Variants in TFDP3 observed in about 807,000 individuals in gnomAD.
TFDP3 encodes transcription factor Dp family member 3, also known as E2F-like protein.
For synonymous variants in TFDP3, 167 were observed against 131.3 expected (o/e 1.27, Z -1.86); for missense variants, 353 against 321.6 (o/e 1.10, Z -0.75).
chrX:133,217,985 G>A lies in TFDP3; in HGVS notation c.275C>T (p.Ser92Phe), dbSNP rs1402694634. ...HFASQNQHSY[S>F]SPPWAGQHNR... ...GTGCTGCCCGGCCCAAGGAGGTGAG[G>A]AGTAGGAATGCTGGTTCTGAGAGGC... Residue 92 changes from serine to phenylalanine, a missense_variant, in exon 1 of 1, where the codon TCC (serine) becomes TTC (phenylalanine). Physicochemically the swap from Ser to Phe is radical, Grantham distance 155. Coordinates refer to ENST00000310125, the MANE Select transcript of TFDP3 (RefSeq NM_016521.3). 4.1e-6 allele frequency: 5 copies of A among 1,210,067 alleles called. No individual in the cohort carries two copies. The African/African-American group carries it at 5.3e-5, about 13-fold the overall frequency.
At position 133,216,821 on chromosome X, in the gene TFDP3, T is replaced by C. The variant is rs756224748; in HGVS notation, c.*221A>G. On this transcript the variant is annotated 3_prime_UTR_variant, in exon 1 of 1. Transcript: ENST00000310125. ...AAAATCCTAAAAAGTAAATAAAGAT[T>C]CTGTGTCAGCACACTGGTATCAAAA... The C allele has an allele frequency of 2.6e-4, 98 of 370,650 alleles. No homozygotes were observed. Among genetic ancestry groups the C allele is most frequent in the Non-Finnish European group, 3.8e-4 (89 of 233,451 alleles). 30.5% of individuals were successfully genotyped at this position (370,650 alleles called of 1,213,427 possible).
rs768969316 is a variant in TFDP3, at chrX:133,217,357, A to G, written c.903T>C (p.Thr301=). 4.1e-6 allele frequency: 5 copies of G among 1,212,123 alleles called. No individual in the cohort carries two copies. The highest frequency in any genetic ancestry group is 3.0e-5 in the East Asian group (1 of 33,848). ...DTEVLMWMGM[T]FGLESGSCSA... ...AGCAGCTCCCGGACTCTAGCCCAAA[A>G]GTCATGCCCATCCACATCAGCACTT... Residue 301 remains threonine (T), a synonymous_variant, in exon 1 of 1, where the codon ACT becomes ACC. Transcript: ENST00000310125.
At position 133,217,476 on chromosome X, in the gene TFDP3, T is replaced by C; in HGVS notation, c.784A>G (p.Ser262Gly). The change falls in exon 1 of 1, where the codon AGC (serine) becomes GGC (glycine). Residue 262 changes from serine to glycine, a missense_variant. By Grantham distance (56) the Ser-to-Gly change is moderately conservative. Transcript: ENST00000310125. ...IHVPFIIISS[S>G]KKTVINCSIS... ...CTGCAGTTGATGACGGTCTTCTTGC[T>C]ACTGCTGATGATGATGAAGGGCACG... 8.3e-7 allele frequency: 1 copy of C among 1,212,085 alleles called. No individual in the cohort carries two copies. Among genetic ancestry groups the C allele is most frequent in the Non-Finnish European group, 1.1e-6 (1 of 895,572 alleles).
chrX:133,217,419 T>TA lies in TFDP3; in HGVS notation c.840dup (p.Lys281Ter), dbSNP rs1029870489. On this transcript the variant is annotated frameshift_variant, in exon 1 of 1. Transcript: ENST00000310125. LOFTEE classifies it low-confidence loss of function (END_TRUNC). Reference sequence around the variant, plus strand: ...TGGATTTCAAAGGAGCTGTTAAACTTAAACAGATATTCTGATTTGTCGTCG... The same window carrying TA: ...TGGATTTCAAAGGAGCTGTTAAACTTAAAACAGATATTCTGATTTGTCGTCG... 8.3e-7 allele frequency: 1 copy of TA among 1,210,094 alleles called. No individual in the cohort carries two copies. Among genetic ancestry groups the TA allele is most frequent in the African/African-American group, 1.7e-5 (1 of 57,173 alleles).
At position 133,217,537 on chromosome X, in the gene TFDP3, C is replaced by T; in HGVS notation, c.723G>A (p.Gln241=). 1 of 1,212,143 alleles carries T rather than the reference C, an allele frequency of 8.2e-7. No homozygotes were observed. The highest frequency in any genetic ancestry group is 3.0e-5 in the East Asian group (1 of 33,846). ...AGTTGGGCAGCGGCCGCTGGCTGACCTGCTCCTCCACATACTGGTTTCTCA... is the reference window on the plus strand; with the variant it reads ...AGTTGGGCAGCGGCCGCTGGCTGACTTGCTCCTCCACATACTGGTTTCTCA... ...LVLRNQYVEE[Q]VSQRPLPNSV... The change falls in exon 1 of 1, where the codon CAG becomes CAA. Residue 241 remains glutamine, a synonymous_variant. Transcript: ENST00000310125.
At position 133,217,987 on chromosome X, in the gene TFDP3, G is replaced by C; in HGVS notation, c.273C>G (p.Tyr91Ter). The change falls in exon 1 of 1, where the codon TAC becomes TAG. Residue 91 changes from tyrosine to a stop codon, truncating the protein, a stop_gained. Coordinates refer to ENST00000310125, the MANE Select transcript of TFDP3 (RefSeq NM_016521.3). LOFTEE classifies it low-confidence loss of function (END_TRUNC). ...GCTGCCCGGCCCAAGGAGGTGAGGAGTAGGAATGCTGGTTCTGAGAGGCAA... is the reference window on the plus strand; with the variant it reads ...GCTGCCCGGCCCAAGGAGGTGAGGACTAGGAATGCTGGTTCTGAGAGGCAA... ...THFASQNQHS[Y>*]SSPPWAGQHN... 1 of 1,212,098 alleles carries C rather than the reference G, an allele frequency of 8.3e-7. No homozygotes were observed. The highest frequency in any genetic ancestry group is 1.7e-5 in the African/African-American group (1 of 57,857).
chrX:133,217,598 A>AG lies in TFDP3; in HGVS notation c.661dup (p.Leu221ProfsTer42). The AG allele has an allele frequency of 8.3e-7, 1 of 1,211,429 alleles. No individual in the cohort carries two copies. The highest frequency in any genetic ancestry group is 1.1e-6 in the Non-Finnish European group (1 of 895,468). On this transcript the variant is annotated frameshift_variant, in exon 1 of 1. Coordinates refer to ENST00000310125, the MANE Select transcript of TFDP3 (RefSeq NM_016521.3). LOFTEE classifies it low-confidence loss of function (END_TRUNC). ...CTTGAAAGCAATTTGCTGTAGAATA[A>AG]GTTGTTGAAGTTCAGACTGTTTCTG...
Position 133,217,424 on chromosome X carries a change from A to G in TFDP3, c.836T>C (p.Leu279Pro). The change falls in exon 1 of 1, where the codon CTG becomes CCG. Residue 279 changes from leucine to proline, a missense_variant. Coordinates refer to ENST00000310125, the MANE Select transcript of TFDP3 (RefSeq NM_016521.3). ...TTCAAAGGAGCTGTTAAACTTAAACAGATATTCTGATTTGTCGTCGGAGAT... is the reference window on the plus strand; with the variant it reads ...TTCAAAGGAGCTGTTAAACTTAAACGGATATTCTGATTTGTCGTCGGAGAT... ...CSISDDKSEY[L>P]FKFNSSFEIH... The G allele has an allele frequency of 1.7e-6, 2 of 1,211,700 alleles. No homozygotes were observed. Among genetic ancestry groups the G allele is most frequent in the Non-Finnish European group, 2.2e-6 (2 of 895,536 alleles).
rs1239930035 is a variant in TFDP3 at position 133,217,898 on chromosome X, G to A, written c.362C>T (p.Thr121Met). 5.0e-6 allele frequency: 6 copies of A among 1,209,699 alleles called. No individual in the cohort carries two copies. The highest frequency in any genetic ancestry group is 3.0e-5 in the East Asian group (1 of 33,731). Residue 121 changes from threonine (T) to methionine (M), a missense_variant, in exon 1 of 1, where the codon ACG (threonine) becomes ATG (methionine). By Grantham distance (81) the Thr-to-Met change is moderately conservative (BLOSUM62 -1). Coordinates refer to ENST00000310125, the MANE Select transcript of TFDP3 (RefSeq NM_016521.3). ...LCRLSMKVWETVQRKGTTSCQ... is the reference protein window; with the variant it reads ...LCRLSMKVWEMVQRKGTTSCQ... The stretch of plus-strand genomic sequence containing the variant: ...GGAAGTGGTCCCTTTCCTCTGCACC[G>A]TCTCCCAGACCTTCATGGAAAGACG...
Position 133,217,775 on chromosome X carries a change from C to T in TFDP3, c.485G>A (p.Arg162Gln). Residue 162 changes from arginine to glutamine, a missense_variant, in exon 1 of 1, where the codon CGG becomes CAG. Physicochemically the swap from Arg to Gln is conservative, Grantham distance 43. Coordinates refer to ENST00000310125, the MANE Select transcript of TFDP3 (RefSeq NM_016521.3). ...CACGTTTAAGGCATCGTAGGTGCGC[C>T]GTTTTATGTTTTTCACGTCATAAGC... ...ESAYDVKNIK[R>Q]RTYDALNVLM... is the part of the protein sequence containing the mutation. The T allele has an allele frequency of 8.3e-7, 1 of 1,211,384 alleles. No homozygotes were observed. Among genetic ancestry groups the T allele is most frequent in the African/African-American group, 1.7e-5 (1 of 57,645 alleles).
At position 133,217,357 on chromosome X, in the gene TFDP3, A is replaced by C. The variant is rs768969316; in HGVS notation, c.903T>G (p.Thr301=). ...AGCAGCTCCCGGACTCTAGCCCAAA[A>C]GTCATGCCCATCCACATCAGCACTT... ...DTEVLMWMGM[T]FGLESGSCSA... Residue 301 remains threonine, a synonymous_variant, in exon 1 of 1, where the codon ACT becomes ACG. Coordinates refer to ENST00000310125, the MANE Select transcript of TFDP3 (RefSeq NM_016521.3). The C allele has an allele frequency of 8.2e-7, 1 of 1,212,123 alleles. No individual in the cohort carries two copies. Among genetic ancestry groups the C allele is most frequent in the Non-Finnish European group, 1.1e-6 (1 of 895,599 alleles).
At position 133,216,999 on chromosome X, in the gene TFDP3, C is replaced by T; in HGVS notation, c.*43G>A. ...TAAAAAAAAAAAAAAAGTTTCTTTTCCCTAAATGTTTTCCTGAAGCTGAAT... is the reference window on the plus strand; with the variant it reads ...TAAAAAAAAAAAAAAAGTTTCTTTTTCCTAAATGTTTTCCTGAAGCTGAAT... On this transcript the variant is annotated 3_prime_UTR_variant, in exon 1 of 1. Coordinates refer to ENST00000310125, the MANE Select transcript of TFDP3 (RefSeq NM_016521.3). 3 of 1,142,466 alleles carry T rather than the reference C, an allele frequency of 2.6e-6. No homozygotes were observed. The highest frequency in any genetic ancestry group is 2.3e-6 in the Non-Finnish European group (2 of 864,146). The allele number at this position is 1,142,466 out of a possible 1,213,427, so 94.2% of individuals were successfully genotyped here.
In TFDP3 at chrX:133,217,504, G is replaced by C; in HGVS notation, c.756C>G (p.Ile252Met). The C allele has an allele frequency of 1.6e-6, 2 of 1,212,179 alleles. No individual in the cohort carries two copies. Among genetic ancestry groups the C allele is most frequent in the Non-Finnish European group, 2.2e-6 (2 of 895,628 alleles). ...VSQRPLPNSV[I>M]HVPFIIISSS... is the part of the protein sequence containing the mutation. ...TGCTGATGATGATGAAGGGCACGTGGATGACTGAGTTGGGCAGCGGCCGCT... is the reference window on the plus strand; with the variant it reads ...TGCTGATGATGATGAAGGGCACGTGCATGACTGAGTTGGGCAGCGGCCGCT... The change falls in exon 1 of 1, where the codon ATC becomes ATG. Residue 252 changes from isoleucine (I) to methionine (M), a missense_variant. By Grantham distance (10) the Ile-to-Met change is conservative. Coordinates refer to ENST00000310125, the MANE Select transcript of TFDP3 (RefSeq NM_016521.3).
chrX:133,218,332 A>C lies in TFDP3; in HGVS notation c.-73T>G. The stretch of plus-strand genomic sequence containing the variant: ...GAAGAAAAACAATTCTTCCAGGCCG[A>C]GTGTAGGGCTGCCGTGAGGTGCGTG... On this transcript the variant is annotated 5_prime_UTR_variant, in exon 1 of 1. Coordinates refer to ENST00000310125, the MANE Select transcript of TFDP3 (RefSeq NM_016521.3). 1.0e-6 allele frequency: 1 copy of C among 981,449 alleles called. No individual in the cohort carries two copies. The highest frequency in any genetic ancestry group is 1.4e-6 in the Non-Finnish European group (1 of 734,916). 80.9% of individuals were successfully genotyped at this position (981,449 alleles called of 1,213,427 possible). A position where few individuals can be genotyped will look rare whatever the true frequency, so the allele number is the denominator to read the frequency against.
rs1174842460 is a variant in TFDP3 at position 133,218,260 on chromosome X, G to A, written c.-1C>T. Reference sequence around the variant, plus strand: ...CAGTGAGACTGACATATTTTGCCATGTTAACAGATTTGGGAAATAAATGCT... The same window carrying A: ...CAGTGAGACTGACATATTTTGCCATATTAACAGATTTGGGAAATAAATGCT... On this transcript the variant is annotated 5_prime_UTR_variant, in exon 1 of 1. Coordinates refer to ENST00000310125, the MANE Select transcript of TFDP3 (RefSeq NM_016521.3). 2.1e-5 allele frequency: 24 copies of A among 1,120,221 alleles called. No individual in the cohort carries two copies. Among genetic ancestry groups the A allele is most frequent in the Admixed American group, 3.3e-5 (1 of 30,352 alleles). 92.3% of individuals were successfully genotyped at this position (1,120,221 alleles called of 1,213,427 possible).
chrX:133,218,349 AGGTGCGTGGCGT>A, exon 1 of TFDP3: 2 of 881,320 alleles, frequency 2.3e-6, no homozygotes, highest in East Asian at 7.0e-5. Context: ...GGCTGCCGTG[AGGTGCGTGGCGT>A]AACGTGCGTG....
At position 133,217,395 on chromosome X, in the gene TFDP3, G is replaced by C. The variant is rs773230302; in HGVS notation, c.865C>G (p.His289Asp). The part of the protein sequence containing the change: ...LFKFNSSFEI[H>D]DDTEVLMWMG... ...CACATCAGCACTTCTGTGTCATCGT[G>C]GATTTCAAAGGAGCTGTTAAACTTA... is the stretch of plus-strand genomic sequence containing the variant. The change falls in exon 1 of 1, where the codon CAC becomes GAC. Residue 289 changes from histidine to aspartate, a missense_variant. By Grantham distance (81) the His-to-Asp change is moderately conservative (BLOSUM62 -1). Transcript: ENST00000310125. 9 of 1,209,987 alleles carry C rather than the reference G, an allele frequency of 7.4e-6. No homozygotes were observed. The Admixed American group carries it at 1.5e-4, about 21-fold the overall frequency.
rs773772124 is a variant in TFDP3, at chrX:133,218,053, G to A, written c.207C>T (p.Asn69=). Residue 69 remains asparagine (N), a synonymous_variant, in exon 1 of 1, where the codon AAC becomes AAT. Transcript: ENST00000310125. Reference sequence around the variant, plus strand: ...GGTTTGGGCTTCCTACCACAGGGATGTTTGATGCTGCTGGTCTCTGAGGCA... The same window carrying A: ...GGTTTGGGCTTCCTACCACAGGGATATTTGATGCTGCTGGTCTCTGAGGCA... ...IGMPQRPAAS[N]IPVVGSPNPP... 3 of 1,209,770 alleles carry A rather than the reference G, an allele frequency of 2.5e-6. No individual in the cohort carries two copies. The highest frequency in any genetic ancestry group is 3.5e-5 in the African/African-American group (2 of 57,005).
chrX:133,216,788 G>T lies in TFDP3; in HGVS notation c.*254C>A, dbSNP rs978888984. 36 of 318,347 alleles carry T rather than the reference G, an allele frequency of 1.1e-4. No individual in the cohort carries two copies. The highest frequency in any genetic ancestry group is 1.5e-4 in the Non-Finnish European group (30 of 193,875). 26.2% of individuals were successfully genotyped at this position (318,347 alleles called of 1,213,427 possible). A position where few individuals can be genotyped will look rare whatever the true frequency, so the allele number is the denominator to read the frequency against. On this transcript the variant is annotated 3_prime_UTR_variant, in exon 1 of 1. Coordinates refer to ENST00000310125, the MANE Select transcript of TFDP3 (RefSeq NM_016521.3). ...CTGCATTTAAAGAAAAATAGAAAATGAAAACACAAAATCCTAAAAAGTAAA... is the reference window on the plus strand; with the variant it reads ...CTGCATTTAAAGAAAAATAGAAAATTAAAACACAAAATCCTAAAAAGTAAA...
Sources: gnomAD v4.1 joint callset for allele counts on GRCh38, gnomAD v4.1.1 for gene constraint, MANE v1.5 for transcripts, NCBI Gene and HGNC (gene_info 2026-07-23, HGNC 2026-07-21) for gene names.